LRBA: variants seen among roughly 807,000 people sequenced by gnomAD.
The protein encoded by LRBA is LPS responsive beige-like anchor protein.
LRBA carries 176 observed loss-of-function variants against 330.0 expected under a neutral mutation model. The observed-to-expected ratio is 0.53, with a 90% CI of 0.47 to 0.60. The LOEUF is 0.60. Among genes scored for constraint, LRBA ranks in the 20% least tolerant of loss-of-function variants. The pLI is 0.00. For missense variants in LRBA, 3,259 were observed against 3,444.8 expected (o/e 0.95, Z 1.35); for synonymous variants, 1,230 against 1,193.0 (o/e 1.03, Z -0.64).
intron 47 of LRBA, among the ~76,000 whole-genome samples, chr4:150,408,130 A>G (rs1746459371): frequency 6.6e-6 from 1 of 151,962 alleles, no homozygotes; most frequent in African/African-American, 2.4e-5. Context: ...TGAAAAGACA[A>G]CAAAATTGAC....
At chr4:150,733,128 A>G (rs756277345) in intron 36 of LRBA, among the ~76,000 whole-genome samples, 3 of 152,094 alleles carry the variant, frequency 2.0e-5, no homozygotes, top group Non-Finnish European at 4.4e-5. Flanking sequence ...ACTAATGGAT[A>G]TTGCACTGAG....
intron 37 of LRBA, among the ~76,000 whole-genome samples, chr4:150,662,600 A>T (rs958115336): frequency 4.6e-5 from 7 of 152,260 alleles, no homozygotes; most frequent in African/African-American, 1.7e-4. Context: ...GTTTGAAAGA[A>T]GTAGGCAAAA....
At chr4:150,455,246 T>C (rs1371663134) in intron 44 of LRBA, among the ~76,000 whole-genome samples, 8 of 151,968 alleles carry the variant, frequency 5.3e-5, no homozygotes, top group African/African-American at 1.2e-4. Flanking sequence ...GTTCTTGCGA[T>C]AGAAATACCA....
intron 52 of LRBA, among the ~76,000 whole-genome samples, chr4:150,304,800 C>A (rs868839618): frequency 6.6e-6 from 1 of 152,050 alleles, no homozygotes; most frequent in Non-Finnish European, 1.5e-5. Context: ...ACACGCAGGC[C>A]TTACATAGGA....
intron 2 of LRBA, among the ~76,000 whole-genome samples, chr4:150,940,059 G>A (rs765489703): frequency 1.3e-5 from 2 of 151,868 alleles, no homozygotes; most frequent in African/African-American, 4.8e-5. Flanking sequence ...GAATATATAC[G>A]TAGATAATAA....
intron 11 of LRBA, among the ~76,000 whole-genome samples, 171 bp from the exon 12 acceptor site, chr4:150,906,576 T>C (rs891912599): frequency 1.3e-5 from 2 of 152,202 alleles, no homozygotes; most frequent in African/African-American, 4.8e-5. Context: ...ATTTTTAATG[T>C]AGGATTAGGA....
intron 23 of LRBA, among the ~76,000 whole-genome samples, chr4:150,851,505 T>C (rs548850227): frequency 6.6e-6 from 1 of 152,314 alleles, no homozygotes; most frequent in African/African-American, 2.4e-5. Flanking sequence ...GCTTAGTAAC[T>C]AAAATTATAC....
chr4:150,991,128 TAAG>T (rs1410057689), intron 2 of LRBA, among the ~76,000 whole-genome samples: 7 of 149,232 alleles, frequency 4.7e-5, no homozygotes, highest in South Asian at 2.1e-4. Flanking sequence ...AGAGGAAGCG[TAAG>T]AAGAAGAAAC....
chr4:150,435,351 C>CAAAACAAAAACAAAAACA (rs539459518), intron 46 of LRBA, among the ~76,000 whole-genome samples: 1 of 151,424 alleles, frequency 6.6e-6, no homozygotes, highest in African/African-American at 2.4e-5. Context: ...ACTCTGTCTC[C>CAAAACAAAAACAAAAACA]AAAACAAAAA....
intron 4 of LRBA, among the ~76,000 whole-genome samples, chr4:150,925,567 T>G (rs1214502723): frequency 6.6e-6 from 1 of 152,206 alleles, no homozygotes; most frequent in Admixed American, 6.5e-5. Context: ...TCCCAAACTA[T>G]ACTTGCCATT....
rs1166339916 is a variant in LRBA at position 150,651,022 on chromosome 4, TA to T, written c.5921+32528del. ...GAGAGAATGCAAATAGCTCCCTAAT[TA>T]TCTACAGCCTATTAACAAGCAAACC... On this transcript the variant is annotated intron_variant, in intron 37 of 56. Transcript: ENST00000651943. Among the ~76,000 whole-genome samples the T allele has an allele frequency of 2.6e-5, 4 of 152,294 alleles. No homozygotes were observed. In the East Asian group the frequency reaches 7.7e-4, roughly 29 times the overall value.
chr4:150,967,084 T>C (rs1738986351), intron 2 of LRBA, among the ~76,000 whole-genome samples: 1 of 152,242 alleles, frequency 6.6e-6, no homozygotes, highest in Non-Finnish European at 1.5e-5. Context: ...TAATTTAATT[T>C]GTTTTAAATA....
At chr4:150,850,555 T>C (rs112710136) in intron 24 of LRBA, among the ~76,000 whole-genome samples, 169 bp downstream of exon 24, 50 of 152,302 alleles carry the variant, frequency 3.3e-4, no homozygotes, top group African/African-American at 1.2e-3. Flanking sequence ...AAGGATTCCA[T>C]TCTTATAATG....
chr4:150,476,508 C>A (rs1003835300), intron 42 of LRBA, among the ~76,000 whole-genome samples: 3 of 151,704 alleles, frequency 2.0e-5, no homozygotes, highest in African/African-American at 4.8e-5. Flanking sequence ...AGCATGGAAT[C>A]AAAAAAAATG....
At chr4:150,427,999 G>A (rs1561163220) in intron 46 of LRBA, among the ~76,000 whole-genome samples, 1 of 151,728 alleles carries the variant, frequency 6.6e-6, no homozygotes, top group Non-Finnish European at 1.5e-5. Context: ...GAAGTCAAAG[G>A]TCTCATGTTT....
At chr4:150,563,035 G>A (rs1768578352) in intron 40 of LRBA, among the ~76,000 whole-genome samples, 1 of 152,082 alleles carries the variant, frequency 6.6e-6, no homozygotes, top group Middle Eastern at 3.2e-3. Flanking sequence ...GGGCTCAAGT[G>A]ATTATACCAA....
intron 37 of LRBA, among the ~76,000 whole-genome samples, chr4:150,618,764 A>G (rs1776010765): frequency 6.6e-6 from 1 of 151,792 alleles, no homozygotes; most frequent in Non-Finnish European, 1.5e-5. Flanking sequence ...TAGCTACAGA[A>G]GTGTTAAAAA....
At chr4:150,934,310 T>C (rs1734830442) in intron 2 of LRBA, among the ~76,000 whole-genome samples, 1 of 152,208 alleles carries the variant, frequency 6.6e-6, no homozygotes, top group African/African-American at 2.4e-5. Flanking sequence ...TACTTACATA[T>C]TGAGGCACAT....
At chr4:150,677,398 A>G (rs1033696013) in intron 37 of LRBA, among the ~76,000 whole-genome samples, 1 of 152,240 alleles carries the variant, frequency 6.6e-6, no homozygotes, top group Admixed American at 6.5e-5. Context: ...AAATTTTTTA[A>G]TGTTTCAATG....
Sources: gnomAD v4.1 joint callset for allele counts (sites outside exome capture counted in the v4.1 genomes callset) on GRCh38, gnomAD v4.1.1 for gene constraint, MANE v1.5 for transcripts, NCBI Gene and HGNC (gene_info 2026-07-23, HGNC 2026-07-21) for gene names.